Variants in ROBO2 observed in about 807,000 individuals in gnomAD.
ROBO2 encodes the protein roundabout guidance receptor 2.
In ROBO2, 53 loss-of-function variants were observed where a neutral mutation model predicts 160.8. The observed-to-expected ratio is 0.33, with a 90% CI of 0.26 to 0.41. ROBO2 has a LOEUF of 0.41. ROBO2 is among the 10% of genes least tolerant of loss of function. ROBO2 has a pLI of 1.00. For synonymous variants in ROBO2, 664 were observed against 611.7 expected (o/e 1.09, Z -1.26); for missense variants, 1,577 against 1,722.4 (o/e 0.92, Z 1.49).
At chr3:76,303,903 T>G (rs904535835) in intron 2 of ROBO2, among the ~76,000 whole-genome samples, 1 of 152,306 alleles carries the variant, frequency 6.6e-6, no homozygotes, top group Non-Finnish European at 1.5e-5. Flanking sequence ...GATACTCAGG[T>G]GCTGCAGGGT....
At chr3:77,549,198 G>T (rs748855780) in intron 7 of ROBO2, among the ~76,000 whole-genome samples, 2 of 151,852 alleles carry the variant, frequency 1.3e-5, no homozygotes, top group East Asian at 1.9e-4. Context: ...CCATGTCAAC[G>T]AATCATTTAG....
At chr3:76,375,798 T>C in intron 2 of ROBO2, among the ~76,000 whole-genome samples, 1 of 152,076 alleles carries the variant, frequency 6.6e-6, no homozygotes, top group Non-Finnish European at 1.5e-5. Context: ...ATAAGTCATA[T>C]TGTTTTGGGG....
chr3:75,971,640 T>C (rs1176381423), intron 2 of ROBO2, among the ~76,000 whole-genome samples: 2 of 151,548 alleles, frequency 1.3e-5, no homozygotes, highest in Non-Finnish European at 3.0e-5. Flanking sequence ...ATTAGCTATT[T>C]TTTGAAGTAC....
intron 2 of ROBO2, among the ~76,000 whole-genome samples, chr3:76,975,556 T>A (rs2149302554): frequency 6.6e-6 from 1 of 152,334 alleles, no homozygotes; most frequent in East Asian, 1.9e-4. Flanking sequence ...AGCATCTTTG[T>A]GTCCGTTTAA....
chr3:75,906,738 G>T (rs1159147087), exon 1 of ROBO2: 5 of 152,372 alleles, frequency 3.3e-5, no homozygotes, highest in Non-Finnish European at 5.9e-5. Context: ...GCCACCACCC[G>T]GAGGAGGGAG....
intron 2 of ROBO2, among the ~76,000 whole-genome samples, chr3:76,024,935 G>A (rs1313613474): frequency 6.7e-6 from 1 of 149,086 alleles, no homozygotes; most frequent in Non-Finnish European, 1.5e-5. Flanking sequence ...GTGTGTGTGT[G>A]CGTATATATA....
chr3:76,315,030 A>C (rs1194866763), intron 2 of ROBO2, among the ~76,000 whole-genome samples: 1 of 152,188 alleles, frequency 6.6e-6, no homozygotes, highest in East Asian at 1.9e-4. Flanking sequence ...AGAAGATGTA[A>C]GTGGGTAAGG....
At position 76,380,234 on chromosome 3, in the gene ROBO2, G is replaced by T. The variant is rs373084703; in HGVS notation, c.109+442632G>T. ...TAATGTATTTTAATACATTCACTTGGCTATTTACTTGGCTATAGAAAGATT... is the reference window on the plus strand; with the variant it reads ...TAATGTATTTTAATACATTCACTTGTCTATTTACTTGGCTATAGAAAGATT... On this transcript the variant is annotated intron_variant, in intron 2 of 26. Transcript: ENST00000487694. 5.3e-5 allele frequency among the ~76,000 whole-genome samples: 8 copies of T among 151,618 alleles called. 1 individual carries two copies. Among genetic ancestry groups the T allele is most frequent in the African/African-American group, 1.5e-4 (6 of 41,238 alleles).
chr3:76,560,159 T>C (rs1243975332), intron 2 of ROBO2, among the ~76,000 whole-genome samples: 2 of 152,104 alleles, frequency 1.3e-5, no homozygotes, highest in Non-Finnish European at 2.9e-5. Flanking sequence ...CTTGATATTG[T>C]CCACCCAACA....
intron 20 of ROBO2, among the ~76,000 whole-genome samples, chr3:77,604,566 T>C (rs971847534): frequency 2.6e-5 from 4 of 152,156 alleles, no homozygotes; most frequent in Non-Finnish European, 5.9e-5. Context: ...CATTTATATA[T>C]ATCTATGAAT....
chr3:77,036,572 A>C (rs1189990990), upstream of ROBO2, among the ~76,000 whole-genome samples: 1 of 152,090 alleles, frequency 6.6e-6, no homozygotes, highest in Non-Finnish European at 1.5e-5. Context: ...AACCTTACCC[A>C]AATTAGGGAT....
rs572438590 is a variant in ROBO2 at position 76,527,073 on chromosome 3, T to C, written c.110-570941T>C. On this transcript the variant is annotated intron_variant, in intron 2 of 26. Transcript: ENST00000487694. Reference sequence around the variant, plus strand: ...CAGCTGTATGTGTGTGTGTGGAATTTTATTTTTCTACTTCATGTCATCATT... The same window carrying C: ...CAGCTGTATGTGTGTGTGTGGAATTCTATTTTTCTACTTCATGTCATCATT... 2.0e-5 allele frequency among the ~76,000 whole-genome samples: 3 copies of C among 152,230 alleles called. No individual in the cohort carries two copies. In the South Asian group the frequency reaches 6.2e-4, roughly 32 times the overall value.
At chr3:76,808,838 G>T (rs1482624649) in intron 2 of ROBO2, among the ~76,000 whole-genome samples, 2 of 151,936 alleles carry the variant, frequency 1.3e-5, no homozygotes, top group Non-Finnish European at 2.9e-5. Flanking sequence ...CAGTGATTGG[G>T]GAATGAAAAA....
intron 2 of ROBO2, among the ~76,000 whole-genome samples, chr3:76,582,416 T>G (rs2085759389): frequency 6.6e-6 from 1 of 152,202 alleles, no homozygotes. Context: ...TGTTTCTCTT[T>G]GTGAAACAGA....
At chr3:77,007,295 A>G (rs1036912802) in intron 2 of ROBO2, among the ~76,000 whole-genome samples, 5 of 152,182 alleles carry the variant, frequency 3.3e-5, no homozygotes, top group South Asian at 2.1e-4. Flanking sequence ...TTCATCACCA[A>G]CGACAGATAC....
At chr3:76,505,609 A>G (rs1386881938) in intron 2 of ROBO2, among the ~76,000 whole-genome samples, 1 of 152,178 alleles carries the variant, frequency 6.6e-6, no homozygotes, top group Non-Finnish European at 1.5e-5. Context: ...TGTTCTACCC[A>G]CTGACAGAGG....
At chr3:76,447,071 C>G (rs1384787238) in intron 2 of ROBO2, among the ~76,000 whole-genome samples, 11 of 152,118 alleles carry the variant, frequency 7.2e-5, no homozygotes, top group Admixed American at 1.3e-4. Flanking sequence ...AGCTTCTGCA[C>G]AGCAAAAGAA....
chr3:75,965,586 T>TCGAATTGTTTGA (rs1202345211), intron 2 of ROBO2, among the ~76,000 whole-genome samples: 24 of 151,934 alleles, frequency 1.6e-4, no homozygotes, highest in East Asian at 3.9e-4. Flanking sequence ...ATGCAACAGT[T>TCGAATTGTTTGA]TTTTCTGCTA....
intron 2 of ROBO2, among the ~76,000 whole-genome samples, chr3:77,170,048 C>A (rs1441697783): frequency 6.6e-6 from 1 of 152,160 alleles, no homozygotes; most frequent in Admixed American, 6.5e-5. Context: ...AGTGAGTGTT[C>A]CGGCATGATC....
Sources: allele counts gnomAD v4.1 joint callset (sites outside exome capture counted in the v4.1 genomes callset), GRCh38; gene constraint gnomAD v4.1.1; transcripts MANE v1.5; gene names NCBI Gene and HGNC (gene_info 2026-07-23, HGNC 2026-07-21).